Variants in CSNK1E observed in about 807,000 individuals in gnomAD.
CSNK1E encodes casein kinase I isoform epsilon.
Under a neutral mutation model 46.1 loss-of-function variants are expected in CSNK1E, and 17 were observed. The ratio of observed to expected loss-of-function variants is 0.37; its 90% CI spans 0.25 to 0.55. The LOEUF (loss-of-function observed/expected upper bound fraction) is 0.55. CSNK1E is among the 20% of genes least tolerant of loss of function. CSNK1E has a pLI of 0.82. For synonymous variants in CSNK1E, 241 were observed against 242.6 expected, an observed-to-expected ratio of 0.99 and a Z score of 0.06; for missense variants, 386 against 595.4, an observed-to-expected ratio of 0.65 and a Z score of 3.66.
At position 38,290,744 on chromosome 22, in the gene CSNK1E, A is replaced by G. The variant is rs1488889761; in HGVS notation, c.*1227T>C. 1 of 152,502 alleles carries G rather than the reference A, an allele frequency of 6.6e-6. No homozygotes were observed. Among genetic ancestry groups the G allele is most frequent in the Non-Finnish European group, 1.5e-5 (1 of 68,002 alleles). The allele number at this position is 152,502 out of a possible 1,614,324, so 9.4% of individuals were successfully genotyped here. A position where few individuals can be genotyped will look rare whatever the true frequency, so the allele number is the denominator to read the frequency against. On this transcript the variant is annotated 3_prime_UTR_variant, in exon 11 of 11. Transcript: ENST00000396832. ...CAAATTAACAACCACGATAAAGCTCAAAAAAGTCCAATATTTACACAGGAA... is the reference window on the plus strand; with the variant it reads ...CAAATTAACAACCACGATAAAGCTCGAAAAAGTCCAATATTTACACAGGAA...
In CSNK1E at chr22:38,303,318, A is replaced by G; in HGVS notation, c.77-70T>C. 1 of 1,313,960 alleles carries G rather than the reference A, an allele frequency of 7.6e-7. No individual in the cohort carries two copies. Among genetic ancestry groups the G allele is most frequent in the Admixed American group, 2.1e-5 (1 of 47,054 alleles). 81.4% of individuals were successfully genotyped at this position (1,313,960 alleles called of 1,614,324 possible). ...CCAGGCAGTCCCAGGCGCCCCACTAAGCATTTCTGAGATCTGGCGTGTGCC... is the reference window on the plus strand; with the variant it reads ...CCAGGCAGTCCCAGGCGCCCCACTAGGCATTTCTGAGATCTGGCGTGTGCC... On this transcript the variant is annotated intron_variant, in intron 2 of 10. Coordinates refer to ENST00000396832, the MANE Select transcript of CSNK1E (RefSeq NM_152221.3). This position sits in a 1 kb window ranked among gnomAD's most constrained non-coding sequence, Gnocchi z 4.7.
intron 6 of CSNK1E, 151 bp downstream of exon 6, chr22:38,299,744 A>C: frequency 1.3e-6 from 1 of 787,582 alleles, no homozygotes; most frequent in South Asian, 1.8e-5. Context: ...TCCTGACCTC[A>C]TGATCCACCT....
chr22:38,311,734 C>G (rs1844865134), intron 2 of CSNK1E, among the ~76,000 whole-genome samples: 1 of 152,086 alleles, frequency 6.6e-6, no homozygotes, highest in Non-Finnish European at 1.5e-5. Flanking sequence ...TACTCCAGGT[C>G]ACACAGCAAA....
intron 7 of CSNK1E, among the ~76,000 whole-genome samples, chr22:38,295,033 T>TTC (rs1569075274): frequency 1.3e-5 from 2 of 152,150 alleles, no homozygotes; most frequent in African/African-American, 4.8e-5. Context: ...GGGCTAGGAC[T>TTC]CAGACCAGCT....
intron 1 of CSNK1E, 54 bp from the exon 2 acceptor site, chr22:38,314,223 G>T: frequency 2.1e-6 from 3 of 1,449,790 alleles, no homozygotes; most frequent in Non-Finnish European, 1.9e-6. Flanking sequence ...CGGGAAAGGG[G>T]TCCAGTCCAC....
chr22:38,300,176 G>C lies in CSNK1E; in HGVS notation c.566-111C>G. ...ACCAGGACCCTCCTGCCCCCACGTC[G>C]GATGTTGCTCACTGCACGCATTTTA... On this transcript the variant is annotated intron_variant, in intron 5 of 10. Transcript: ENST00000396832. This position sits in a 1 kb window ranked among gnomAD's most constrained non-coding sequence, Gnocchi z 4.4. The C allele has an allele frequency of 9.9e-7, 1 of 1,006,606 alleles. No individual in the cohort carries two copies. Among genetic ancestry groups the C allele is most frequent in the Middle Eastern group, 2.4e-4 (1 of 4,194 alleles). 62.4% of individuals were successfully genotyped at this position (1,006,606 alleles called of 1,614,324 possible).
In CSNK1E at chr22:38,302,966, G is replaced by A. The variant is rs1003053609; in HGVS notation, c.231C>T (p.Tyr77=). 6 of 1,614,012 alleles carry A rather than the reference G, an allele frequency of 3.7e-6. No homozygotes were observed. The highest frequency in any genetic ancestry group is 5.1e-6 in the Non-Finnish European group (6 of 1,180,034). ...SIKWCGAEGD[Y]NVMVMELLGP... ...CCAGCAGCTCCATGACCATCACGTTGTAGTCGCCCTCAGCTCCGCACCACT... is the reference window on the plus strand; with the variant it reads ...CCAGCAGCTCCATGACCATCACGTTATAGTCGCCCTCAGCTCCGCACCACT... Residue 77 remains tyrosine (Y), a synonymous_variant, in exon 4 of 11, where the codon TAC becomes TAT. Coordinates refer to ENST00000396832, the MANE Select transcript of CSNK1E (RefSeq NM_152221.3).
rs773486887 is a variant in CSNK1E, at chr22:38,296,628, A to G, written c.886-2094T>C. 6.2e-6 allele frequency: 10 copies of G among 1,612,880 alleles called. No individual in the cohort carries two copies. In the South Asian group the frequency reaches 8.8e-5, roughly 14 times the overall value. ...GCTTCTAACTCCAGGGCCTGCCTCA[A>G]GAGGGACTTCCAGGAAGGCGGTCAG... On this transcript the variant is annotated intron_variant, in intron 7 of 10. Transcript: ENST00000396832.
upstream of CSNK1E, chr22:38,317,573 C>T (rs2092755404): frequency 6.5e-6 from 1 of 152,734 alleles, no homozygotes; most frequent in Admixed American, 6.5e-5. Context: ...ACGCAGTTCC[C>T]CAGCCTCAGT....
At chr22:38,306,310 T>C (rs926835280) in intron 2 of CSNK1E, among the ~76,000 whole-genome samples, 11 of 152,244 alleles carry the variant, frequency 7.2e-5, no homozygotes, top group African/African-American at 2.7e-4. Context: ...TACTGTGTTA[T>C]AAGTTGCAAT....
chr22:38,294,127 G>A lies in CSNK1E; in HGVS notation c.1200C>T (p.Ser400=), dbSNP rs1274848725. ...AGCTCACCTGTGAGGCTGGGATCCG[G>A]GAGACCTCTTGCCGCCCAGTGAGGT... ...SSDLTGRQEV[S]RIPASQTSVP... Residue 400 remains serine (S), a synonymous_variant, in exon 9 of 11, where the codon TCC becomes TCT. Transcript: ENST00000396832. The surrounding 1 kb of genome is among the most constrained non-coding windows in gnomAD (Gnocchi z 5.5). 2 of 1,610,566 alleles carry A rather than the reference G, an allele frequency of 1.2e-6. No homozygotes were observed. The highest frequency in any genetic ancestry group is 1.1e-5 in the South Asian group (1 of 90,790).
Position 38,294,658 on chromosome 22 carries a change from G to T in CSNK1E, c.886-124C>A. ...GATATCTCAGAAACCTTCTGCTCCA[G>T]CCTCCCTGACAAGCGCGGGAAGCCA... On this transcript the variant is annotated intron_variant, in intron 7 of 10. Coordinates refer to ENST00000396832, the MANE Select transcript of CSNK1E (RefSeq NM_152221.3). The surrounding 1 kb of genome is among the most constrained non-coding windows in gnomAD (Gnocchi z 5.5). The T allele has an allele frequency of 1.1e-6, 1 of 939,960 alleles. No individual in the cohort carries two copies. Among genetic ancestry groups the T allele is most frequent in the Non-Finnish European group, 1.5e-6 (1 of 647,060 alleles). The allele number at this position is 939,960 out of a possible 1,614,324, so 58.2% of individuals were successfully genotyped here.
intron 2 of CSNK1E, among the ~76,000 whole-genome samples, chr22:38,313,808 G>GCTGACC (rs1292678311): frequency 6.6e-6 from 1 of 152,226 alleles, no homozygotes; most frequent in African/African-American, 2.4e-5. Context: ...TGGTGACCCA[G>GCTGACC]CTGACCCGGG....
Position 38,300,971 on chromosome 22 carries a change from A to G in CSNK1E, c.337-19T>C, listed in dbSNP as rs374299135. 1.2e-6 allele frequency: 2 copies of G among 1,607,428 alleles called. No homozygotes were observed. The highest frequency in any genetic ancestry group is 2.7e-5 in the African/African-American group (2 of 74,732). On this transcript the variant is annotated intron_variant, in intron 4 of 10. Coordinates refer to ENST00000396832, the MANE Select transcript of CSNK1E (RefSeq NM_152221.3). The surrounding 1 kb of genome is among the most constrained non-coding windows in gnomAD (Gnocchi z 4.4). ...GGCTGATCTGGGGAGGAGGGGGGCC[A>G]TTTGTTCAACAGAGGGGCCCTTGCC...
At chr22:38,301,330 A>G (rs1425907602) in intron 4 of CSNK1E, among the ~76,000 whole-genome samples, 1 of 152,226 alleles carries the variant, frequency 6.6e-6, no homozygotes, top group East Asian at 1.9e-4. Flanking sequence ...GCAGGCAGGG[A>G]ACATGGGGGA....
At chr22:38,307,682 G>A (rs535013494) in intron 2 of CSNK1E, among the ~76,000 whole-genome samples, 10 of 152,186 alleles carry the variant, frequency 6.6e-5, no homozygotes, top group Non-Finnish European at 1.5e-4. Context: ...CACAGGTACC[G>A]AAGGTGGAGG....
At position 38,290,807 on chromosome 22, in the gene CSNK1E, T is replaced by C. The variant is rs541249071; in HGVS notation, c.*1164A>G. On this transcript the variant is annotated 3_prime_UTR_variant, in exon 11 of 11. Coordinates refer to ENST00000396832, the MANE Select transcript of CSNK1E (RefSeq NM_152221.3). ...TTCCCCCCAAAGTTCTTCAGTTTTT[T>C]TTTTTTCAGTTTTTTAAATTACAAA... is the stretch of plus-strand genomic sequence containing the variant. 2.0e-5 allele frequency: 3 copies of C among 152,034 alleles called. No homozygotes were observed. The highest frequency in any genetic ancestry group is 2.1e-4 in the South Asian group (1 of 4,824). The allele number at this position is 152,034 out of a possible 1,614,324, so 9.4% of individuals were successfully genotyped here.
chr22:38,308,054 T>G (rs2092705895), intron 2 of CSNK1E, among the ~76,000 whole-genome samples: 1 of 152,116 alleles, frequency 6.6e-6, no homozygotes, highest in African/African-American at 2.4e-5. Context: ...AGGTCCTATC[T>G]CCTCGCTCCA....
At chr22:38,302,409 C>T (rs550126262) in intron 4 of CSNK1E, among the ~76,000 whole-genome samples, 1 of 152,348 alleles carries the variant, frequency 6.6e-6, no homozygotes, top group East Asian at 1.9e-4. Context: ...GTCCCAGGCC[C>T]TGACTCGGCA....
Sources: allele counts gnomAD v4.1 joint callset (sites outside exome capture counted in the v4.1 genomes callset), GRCh38; gene constraint gnomAD v4.1.1; non-coding constraint Gnocchi (gnomAD v3.1); transcripts MANE v1.5; gene names NCBI Gene and HGNC (gene_info 2026-07-23, HGNC 2026-07-21).